The following MAD1L1 variants were observed in gnomAD, a reference collection of about 807,000 sequenced individuals.
MAD1L1 encodes mitotic spindle assembly checkpoint protein MAD1.
In MAD1L1, 95 loss-of-function variants were observed where a neutral mutation model predicts 96.9. The observed-to-expected ratio is 0.98, with a 90% CI of 0.83 to 1.16. The LOEUF (loss-of-function observed/expected upper bound fraction) is 1.16. Ranked by LOEUF, MAD1L1 falls within the 50% of genes most tolerant of loss-of-function variation. The pLI is 0.00. For missense variants in MAD1L1, 1,007 were observed against 954.4 expected (o/e 1.06, Z -0.73); for synonymous variants, 473 against 396.6 (o/e 1.19, Z -2.29).
At chr7:2,064,837 TTCTCCTAGG>T (rs1784812944) in intron 12 of MAD1L1, among the ~76,000 whole-genome samples, 1 of 142,652 alleles carries the variant, frequency 7.0e-6, no homozygotes, top group African/African-American at 2.7e-5. Flanking sequence ...GGACAGCGGC[TTCTCCTAGG>T]AGGACAGTGT....
In MAD1L1 at chr7:1,975,535, G is replaced by A. The variant is rs1434412531; in HGVS notation, c.1505+4918C>T. On this transcript the variant is annotated intron_variant, in intron 15 of 18. Coordinates refer to ENST00000265854, the MANE Select transcript of MAD1L1 (RefSeq NM_001013836.2). ...CACTGCCCTAGAAGCTTGGCAGGCAGGGACTGTCTTTCCAGTTACCTCTAT... is the reference window on the plus strand; with the variant it reads ...CACTGCCCTAGAAGCTTGGCAGGCAAGGACTGTCTTTCCAGTTACCTCTAT... 5.9e-5 allele frequency among the ~76,000 whole-genome samples: 9 copies of A among 152,344 alleles called. No homozygotes were observed. The East Asian group carries it at 1.7e-3, about 29-fold the overall frequency.
At chr7:2,173,216 G>A (rs957164923) in intron 10 of MAD1L1, among the ~76,000 whole-genome samples, 4 of 152,132 alleles carry the variant, frequency 2.6e-5, no homozygotes, top group African/African-American at 9.7e-5. Context: ...GGCTTTCATT[G>A]CCACTTTCCT....
intron 10 of MAD1L1, among the ~76,000 whole-genome samples, chr7:2,177,115 A>C (rs576077577): frequency 6.6e-6 from 1 of 152,356 alleles, no homozygotes; most frequent in Admixed American, 6.5e-5. Flanking sequence ...AGAAACACAG[A>C]CCAAAATGCT....
At chr7:2,083,069 C>T (rs192799902) in intron 11 of MAD1L1, among the ~76,000 whole-genome samples, 5 of 152,360 alleles carry the variant, frequency 3.3e-5, no homozygotes, top group African/African-American at 9.6e-5. Flanking sequence ...CTGCGCGTGA[C>T]GTCCTGGGTA....
intron 15 of MAD1L1, among the ~76,000 whole-genome samples, chr7:1,974,001 G>T (rs1780520440): frequency 1.3e-5 from 2 of 152,222 alleles, no homozygotes; most frequent in African/African-American, 4.8e-5. Flanking sequence ...AGGGCACTCT[G>T]CTGGCTTCTG....
At chr7:1,902,277 G>T (rs1019297715) in intron 17 of MAD1L1, among the ~76,000 whole-genome samples, 1 of 152,190 alleles carries the variant, frequency 6.6e-6, no homozygotes, top group African/African-American at 2.4e-5. Context: ...AGGCTTTACA[G>T]TACTGAGGGC....
At chr7:1,935,443 G>A (rs556757501) in intron 17 of MAD1L1, among the ~76,000 whole-genome samples, 1 of 152,276 alleles carries the variant, frequency 6.6e-6, no homozygotes, top group South Asian at 2.1e-4. Context: ...TACTCCAGGA[G>A]GGCACACCAC....
At chr7:1,895,012 G>C (rs921388617) in intron 18 of MAD1L1, among the ~76,000 whole-genome samples, 2 of 152,164 alleles carry the variant, frequency 1.3e-5, no homozygotes, top group Non-Finnish European at 2.9e-5. Context: ...TCGCCTGTCA[G>C]GAAAAACACA....
At chr7:2,213,791 G>C (rs10252533) in intron 9 of MAD1L1, among the ~76,000 whole-genome samples, 42,833 of 152,142 alleles carry the variant, frequency 0.28, 6,643 homozygotes, top group African/African-American at 0.39. Flanking sequence ...GGGAGGGTGA[G>C]ACACTGCCTA....
At chr7:1,888,914 G>A (rs972910724) in intron 18 of MAD1L1, among the ~76,000 whole-genome samples, 11 of 152,200 alleles carry the variant, frequency 7.2e-5, no homozygotes, top group Middle Eastern at 3.2e-3. Flanking sequence ...TGCTCCTCCC[G>A]CAATCACCCT....
chr7:2,090,023 C>T (rs935897189), intron 11 of MAD1L1, among the ~76,000 whole-genome samples: 6 of 152,196 alleles, frequency 3.9e-5, no homozygotes, highest in African/African-American at 1.2e-4. Context: ...TGAGGGCAGG[C>T]GGACAAGGAA....
intron 3 of MAD1L1, among the ~76,000 whole-genome samples, chr7:2,227,928 C>T (rs747583966): frequency 1.3e-5 from 2 of 152,190 alleles, no homozygotes; most frequent in African/African-American, 2.4e-5. Context: ...TTTACCCTTA[C>T]GTTAAATCAA....
chr7:2,055,804 C>A (rs1434318163), intron 12 of MAD1L1, among the ~76,000 whole-genome samples: 2 of 151,874 alleles, frequency 1.3e-5, no homozygotes, highest in African/African-American at 2.4e-5. Flanking sequence ...TATGGCAAAA[C>A]CCCGTCTCTA....
intron 18 of MAD1L1, among the ~76,000 whole-genome samples, chr7:1,830,538 A>G (rs902108337): frequency 6.6e-6 from 1 of 152,246 alleles, no homozygotes; most frequent in Non-Finnish European, 1.5e-5. Flanking sequence ...CATCTCTTTC[A>G]AAGATAGCTG....
intron 18 of MAD1L1, among the ~76,000 whole-genome samples, chr7:1,850,324 C>G (rs1374159745): frequency 6.6e-6 from 1 of 152,180 alleles, no homozygotes; most frequent in Non-Finnish European, 1.5e-5. Flanking sequence ...AGAGTTCTAT[C>G]TTACGAGGCG....
chr7:2,042,872 C>T (rs1434955483), intron 12 of MAD1L1, among the ~76,000 whole-genome samples: 2 of 141,604 alleles, frequency 1.4e-5, no homozygotes, highest in African/African-American at 2.7e-5. Flanking sequence ...GGAGCCTTCA[C>T]GCACACACAT....
intron 10 of MAD1L1, among the ~76,000 whole-genome samples, chr7:2,204,361 A>G (rs1224101827): frequency 6.6e-6 from 1 of 152,160 alleles, no homozygotes; most frequent in East Asian, 1.9e-4. Context: ...GCACGTGAAC[A>G]GTTTGACAAG....
intron 17 of MAD1L1, among the ~76,000 whole-genome samples, chr7:1,912,822 A>C (rs1318996691): frequency 6.6e-6 from 1 of 152,170 alleles, no homozygotes; most frequent in Non-Finnish European, 1.5e-5. Flanking sequence ...CTGTTTCCGG[A>C]AGCTTCCCTC....
At chr7:2,161,898 G>A (rs1790156339) in intron 10 of MAD1L1, among the ~76,000 whole-genome samples, 1 of 147,434 alleles carries the variant, frequency 6.8e-6, no homozygotes, top group South Asian at 2.1e-4. Context: ...GTGGGGGGCA[G>A]CCCCCGCCCG....
Sources: allele counts gnomAD v4.1 joint callset (sites outside exome capture counted in the v4.1 genomes callset), GRCh38; gene constraint gnomAD v4.1.1; transcripts MANE v1.5; gene names NCBI Gene and HGNC (gene_info 2026-07-23, HGNC 2026-07-21).